The following DLG2 variants were observed in gnomAD, a reference collection of about 807,000 sequenced individuals.
DLG2 encodes disks large homolog 2.
In DLG2, 45 loss-of-function variants were observed where a neutral mutation model predicts 132.5. That is an observed-to-expected ratio of 0.34 (90% CI 0.27 to 0.44). DLG2 has a LOEUF of 0.44. Ranked by LOEUF, DLG2 falls within the 20% of genes least tolerant of loss-of-function variation. DLG2 has a pLI of 1.00. For missense variants in DLG2, 1,045 were observed against 1,196.9 expected, an observed-to-expected ratio of 0.87 and a Z score of 1.87; for synonymous variants, 424 against 419.6, an observed-to-expected ratio of 1.01 and a Z score of -0.13.
chr11:84,574,347 T>C (rs897078995), intron 6 of DLG2, among the ~76,000 whole-genome samples: 3 of 149,874 alleles, frequency 2.0e-5, no homozygotes, highest in Non-Finnish European at 3.0e-5. Context: ...CCTAAACTAA[T>C]ATTTCTCTTA....
At chr11:85,211,618 T>C (rs1262292953) in intron 4 of DLG2, among the ~76,000 whole-genome samples, 8 of 152,128 alleles carry the variant, frequency 5.3e-5, no homozygotes, top group Non-Finnish European at 8.8e-5. Flanking sequence ...TAAATAAGTT[T>C]GTGGTTCTAT....
At chr11:85,350,158 A>G (rs980826366) in intron 3 of DLG2, among the ~76,000 whole-genome samples, 29 of 152,334 alleles carry the variant, frequency 1.9e-4, no homozygotes, top group South Asian at 4.1e-4. Flanking sequence ...TTCTCTGATG[A>G]CCAGTGATGA....
chr11:83,518,470 G>A (rs902589214), intron 21 of DLG2, among the ~76,000 whole-genome samples: 4 of 152,100 alleles, frequency 2.6e-5, no homozygotes, highest in Admixed American at 6.5e-5. Context: ...TGTGCTTCCC[G>A]GGTGAGGCAA....
At chr11:84,376,002 TG>T (rs1325501312) in intron 7 of DLG2, among the ~76,000 whole-genome samples, 2 of 152,006 alleles carry the variant, frequency 1.3e-5, no homozygotes, top group Non-Finnish European at 2.9e-5. Context: ...TATTGTACTA[TG>T]TTGATGTCTT....
intron 3 of DLG2, among the ~76,000 whole-genome samples, chr11:85,385,442 T>C (rs2086246820): frequency 6.6e-6 from 1 of 152,130 alleles, no homozygotes; most frequent in African/African-American, 2.4e-5. Context: ...AAACTCTTTA[T>C]AAGGATGAAT....
At chr11:84,090,850 G>A (rs373970904) in intron 10 of DLG2, among the ~76,000 whole-genome samples, 11 of 152,098 alleles carry the variant, frequency 7.2e-5, no homozygotes, top group African/African-American at 2.4e-4. Context: ...CTCATAAACT[G>A]AAAATAAATT....
rs532630352 is a variant in DLG2 at position 84,176,957 on chromosome 11, T to A, written c.574-13446A>T. On this transcript the variant is annotated intron_variant, in intron 8 of 27. Coordinates refer to ENST00000376104, the MANE Select transcript of DLG2 (RefSeq NM_001142699.3). ...TTCTTTTATTTTCTTTCTTTTCATA[T>A]CTTCTTGGAATAGGAAGACTCAAAA... is the stretch of plus-strand genomic sequence containing the variant. Among the ~76,000 whole-genome samples the A allele has an allele frequency of 3.3e-5, 5 of 152,094 alleles. No homozygotes were observed. The East Asian group carries it at 9.6e-4, about 29-fold the overall frequency.
intron 19 of DLG2, among the ~76,000 whole-genome samples, chr11:83,568,913 A>T (rs2096752831): frequency 6.6e-6 from 1 of 151,740 alleles, no homozygotes; most frequent in South Asian, 2.1e-4. Context: ...AGGACTTAAG[A>T]TGTTTAAGCC....
chr11:83,973,923 A>C (rs2154168670), intron 12 of DLG2, among the ~76,000 whole-genome samples: 1 of 152,170 alleles, frequency 6.6e-6, no homozygotes, highest in Admixed American at 6.6e-5. Context: ...ACAATTTACT[A>C]GTTATGTAAT....
intron 6 of DLG2, among the ~76,000 whole-genome samples, chr11:84,578,279 G>C (rs1392480673): frequency 6.6e-6 from 1 of 152,122 alleles, no homozygotes; most frequent in African/African-American, 2.4e-5. Context: ...GCTGTGCAAA[G>C]AGGGCCACTG....
At chr11:84,958,516 G>T (rs1834040333) in intron 6 of DLG2, among the ~76,000 whole-genome samples, 2 of 152,244 alleles carry the variant, frequency 1.3e-5, no homozygotes, top group South Asian at 4.2e-4. Context: ...CCAGTAAAAG[G>T]CTAAGTAAAC....
chr11:85,277,697 G>T (rs917379455), intron 4 of DLG2, among the ~76,000 whole-genome samples: 5 of 152,048 alleles, frequency 3.3e-5, no homozygotes, highest in Non-Finnish European at 7.4e-5. Flanking sequence ...GTTAGTTTGA[G>T]TGTATTTTCT....
chr11:85,307,116 C>A (rs373388013), intron 3 of DLG2, among the ~76,000 whole-genome samples: 1 of 152,120 alleles, frequency 6.6e-6, no homozygotes, highest in Non-Finnish European at 1.5e-5. Flanking sequence ...CACAGTATAA[C>A]GAAAGAAGAC....
At chr11:83,921,315 G>T (rs1171694927) in intron 15 of DLG2, among the ~76,000 whole-genome samples, 2 of 152,062 alleles carry the variant, frequency 1.3e-5, no homozygotes, top group African/African-American at 4.8e-5. Flanking sequence ...GGAATAAAAT[G>T]ATAAATAAAA....
intron 16 of DLG2, among the ~76,000 whole-genome samples, chr11:83,852,782 C>T (rs1328119826): frequency 1.3e-5 from 2 of 152,110 alleles, no homozygotes; most frequent in African/African-American, 4.8e-5. Context: ...TTAGTTCAGC[C>T]CTGATGAGTT....
chr11:84,564,773 G>A (rs985871844), intron 6 of DLG2, among the ~76,000 whole-genome samples: 4 of 152,180 alleles, frequency 2.6e-5, no homozygotes, highest in Non-Finnish European at 5.9e-5. Context: ...AGATGTGAGT[G>A]CCTGGCTGCT....
At chr11:83,968,162 T>G (rs1482616585) in intron 12 of DLG2, among the ~76,000 whole-genome samples, 1 of 152,194 alleles carries the variant, frequency 6.6e-6, no homozygotes, top group South Asian at 2.1e-4. Flanking sequence ...ATCTATACTA[T>G]CTAATTAGCA....
intron 9 of DLG2, among the ~76,000 whole-genome samples, chr11:84,115,067 C>A (rs1483700920): frequency 1.3e-5 from 2 of 152,138 alleles, no homozygotes; most frequent in Non-Finnish European, 2.9e-5. Context: ...ATGCAAGGCC[C>A]ATTGGCAGTG....
At chr11:84,876,036 C>T (rs1259465855) in intron 6 of DLG2, among the ~76,000 whole-genome samples, 2 of 152,184 alleles carry the variant, frequency 1.3e-5, no homozygotes, top group African/African-American at 4.8e-5. Flanking sequence ...CCATGCCTGG[C>T]CTTTCTTCCC....
Sources: allele counts gnomAD v4.1 joint callset (sites outside exome capture counted in the v4.1 genomes callset), GRCh38; gene constraint gnomAD v4.1.1; transcripts MANE v1.5; gene names NCBI Gene and HGNC (gene_info 2026-07-23, HGNC 2026-07-21).